TTC28: variants seen among roughly 807,000 people sequenced by gnomAD.
TTC28 encodes tetratricopeptide repeat protein 28.
In TTC28, 61 loss-of-function variants were observed where a neutral mutation model predicts 198.0. The ratio of observed to expected loss-of-function variants is 0.31; its 90% CI spans 0.25 to 0.38. TTC28 has a LOEUF of 0.38. TTC28 is among the 10% of genes least tolerant of loss of function. TTC28 has a pLI of 1.00. For synonymous variants in TTC28, 1,171 were observed against 1,297.8 expected (o/e 0.90, Z 2.10); for missense variants, 2,678 against 3,164.0 (o/e 0.85, Z 3.69).
intron 2 of TTC28, among the ~76,000 whole-genome samples, chr22:28,334,587 T>C (rs1226182362): frequency 1.3e-5 from 2 of 152,244 alleles, no homozygotes; most frequent in Admixed American, 6.5e-5. Context: ...TTGATTTGCA[T>C]TTCTCTGATG....
At chr22:28,615,974 G>A (rs1052554744) in intron 2 of TTC28, among the ~76,000 whole-genome samples, 22 of 152,150 alleles carry the variant, frequency 1.4e-4, no homozygotes, top group African/African-American at 4.3e-4. Context: ...GGACTCAAAA[G>A]CAGACTTGAA....
chr22:28,515,095 T>G (rs1358240680), intron 2 of TTC28, among the ~76,000 whole-genome samples: 2 of 152,214 alleles, frequency 1.3e-5, no homozygotes, highest in African/African-American at 4.8e-5. Context: ...ATTATGGAGA[T>G]GTATGAAAAT....
At chr22:28,088,799 A>C (rs1352951056) in intron 12 of TTC28, among the ~76,000 whole-genome samples, 2 of 152,216 alleles carry the variant, frequency 1.3e-5, no homozygotes, top group Non-Finnish European at 1.5e-5. Context: ...TCTACAAGGA[A>C]CTCAAACAAA....
intron 6 of TTC28, among the ~76,000 whole-genome samples, chr22:28,147,303 A>T (rs1943491441): frequency 6.6e-6 from 1 of 152,200 alleles, no homozygotes; most frequent in Non-Finnish European, 1.5e-5. Flanking sequence ...TGTGGATTTC[A>T]TGCTGGAAAA....
chr22:28,410,889 A>G (rs779722128), intron 2 of TTC28, among the ~76,000 whole-genome samples: 14 of 152,240 alleles, frequency 9.2e-5, no homozygotes, highest in Non-Finnish European at 1.5e-4. Flanking sequence ...AAAGAATTCC[A>G]TCTTTAATGA....
chr22:28,499,597 A>G (rs906028342), intron 2 of TTC28, among the ~76,000 whole-genome samples: 1 of 152,186 alleles, frequency 6.6e-6, no homozygotes, highest in Non-Finnish European at 1.5e-5. Flanking sequence ...TTACTGAAGT[A>G]TATCATATAG....
At chr22:28,530,624 G>T (rs2049113242) in intron 2 of TTC28, among the ~76,000 whole-genome samples, 1 of 152,132 alleles carries the variant, frequency 6.6e-6, no homozygotes, top group Non-Finnish European at 1.5e-5. Flanking sequence ...CACCAAAGTT[G>T]AAATGAAGGA....
At chr22:28,187,337 A>T (rs774441068) in intron 5 of TTC28, among the ~76,000 whole-genome samples, 8 of 152,248 alleles carry the variant, frequency 5.3e-5, no homozygotes, top group Non-Finnish European at 1.0e-4. Flanking sequence ...TGATAATTTG[A>T]ATTTCATTTA....
At chr22:28,335,152 A>G (rs2045689513) in intron 2 of TTC28, among the ~76,000 whole-genome samples, 1 of 152,194 alleles carries the variant, frequency 6.6e-6, no homozygotes, top group African/African-American at 2.4e-5. Context: ...TTTGCCAAAG[A>G]TGAGAGAGTC....
intron 2 of TTC28, among the ~76,000 whole-genome samples, chr22:28,335,335 C>A (rs768269231): frequency 6.6e-6 from 1 of 152,082 alleles, no homozygotes; most frequent in Admixed American, 6.6e-5. Flanking sequence ...CTTGGCAATG[C>A]GGGCTCTTTT....
chr22:28,328,849 AC>A lies in TTC28; in HGVS notation c.382-22207del, dbSNP rs538778514. Reference sequence around the variant, plus strand: ...GCTGAGAACTAAGAATGATAAGCTAACCAAAGAAAAAGCACTACAGAAAGGA... The same window carrying A: ...GCTGAGAACTAAGAATGATAAGCTAACAAAGAAAAAGCACTACAGAAAGGA... On this transcript the variant is annotated intron_variant, in intron 2 of 22. Coordinates refer to ENST00000397906, the MANE Select transcript of TTC28 (RefSeq NM_001145418.2). Among the ~76,000 whole-genome samples the A allele has an allele frequency of 2.0e-3, 305 of 151,370 alleles. 2 individuals carry two copies. The South Asian group carries it at 0.027, about 13-fold the overall frequency.
intron 2 of TTC28, among the ~76,000 whole-genome samples, chr22:28,453,053 G>A (rs1018789091): frequency 6.6e-6 from 1 of 152,032 alleles, no homozygotes; most frequent in Admixed American, 6.6e-5. Context: ...TGGTAGCCAG[G>A]GTACAACAGT....
At chr22:28,468,650 A>G (rs2048057369) in intron 2 of TTC28, among the ~76,000 whole-genome samples, 1 of 149,150 alleles carries the variant, frequency 6.7e-6, no homozygotes, top group Non-Finnish European at 1.5e-5. Flanking sequence ...CAGCCTCCAG[A>G]GTAGCTGGGA....
Position 27,996,124 on chromosome 22 carries a change from G to A in TTC28, c.5244+11C>T, listed in dbSNP as rs571160481. On this transcript the variant is annotated intron_variant, in intron 17 of 22. Transcript: ENST00000397906. ...AGCTCTCGTTGAGTGCAGGGTGCCC[G>A]ACCCCCTTACCAGGTGCAGCAGCAC... is the stretch of plus-strand genomic sequence containing the variant. The A allele has an allele frequency of 1.7e-4, 260 of 1,546,212 alleles. 2 individuals are homozygous for A. In the East Asian group the frequency reaches 5.8e-3, roughly 34 times the overall value.
chr22:28,346,609 G>A (rs1251780478), intron 2 of TTC28, among the ~76,000 whole-genome samples: 2 of 152,190 alleles, frequency 1.3e-5, no homozygotes, highest in Non-Finnish European at 2.9e-5. Flanking sequence ...GACAAGGAGT[G>A]GGACTTGTGG....
At chr22:28,614,901 TA>T (rs1281176002) in intron 2 of TTC28, among the ~76,000 whole-genome samples, 1 of 152,022 alleles carries the variant, frequency 6.6e-6, no homozygotes, top group African/African-American at 2.4e-5. Context: ...CTTCATGATT[TA>T]AACACCAAAA....
rs149527292 is a variant in TTC28 at position 28,530,199 on chromosome 22, G to A, written c.381+99353C>T. On this transcript the variant is annotated intron_variant, in intron 2 of 22. Transcript: ENST00000397906. ...TGAATGGCTAACTAGAATAAACAGCGTAGAGAAGATGTTAAATGACCTGAT... is the reference window on the plus strand; with the variant it reads ...TGAATGGCTAACTAGAATAAACAGCATAGAGAAGATGTTAAATGACCTGAT... Among the ~76,000 whole-genome samples, 998 of 152,274 alleles carry A rather than the reference G, an allele frequency of 6.6e-3. 12 individuals carry two copies. The highest frequency in any genetic ancestry group is 0.03 in the Admixed American group (452 of 15,302).
chr22:28,108,695 C>T (rs538793578), intron 6 of TTC28, among the ~76,000 whole-genome samples: 1 of 152,094 alleles, frequency 6.6e-6, no homozygotes, highest in East Asian at 1.9e-4. Flanking sequence ...ATATATTAAA[C>T]ATAAATGAAA....
At chr22:28,499,992 T>C (rs904225589) in intron 2 of TTC28, among the ~76,000 whole-genome samples, 11 of 152,186 alleles carry the variant, frequency 7.2e-5, no homozygotes, top group African/African-American at 2.2e-4. Flanking sequence ...CTGTTAACTA[T>C]AGTCATCTTA....
Sources: gnomAD v4.1 joint callset for allele counts (sites outside exome capture counted in the v4.1 genomes callset) on GRCh38, gnomAD v4.1.1 for gene constraint, MANE v1.5 for transcripts, NCBI Gene and HGNC (gene_info 2026-07-23, HGNC 2026-07-21) for gene names.